The following PCDH15 variants were observed in gnomAD, a reference collection of about 807,000 sequenced individuals.
PCDH15 encodes the protein protocadherin-15.
Under a neutral mutation model 178.5 loss-of-function variants are expected in PCDH15, and 129 were observed. The observed-to-expected ratio is 0.72, with a 90% CI of 0.63 to 0.84. The LOEUF (loss-of-function observed/expected upper bound fraction) is 0.84. Among genes scored for constraint, PCDH15 ranks in the 40% least tolerant of loss-of-function variants. The pLI, the probability that PCDH15 is intolerant of heterozygous loss-of-function variation, is 0.00. For synonymous variants in PCDH15, 800 were observed against 732.0 expected, an observed-to-expected ratio of 1.09 and a Z score of -1.50; for missense variants, 2,230 against 2,099.9, an observed-to-expected ratio of 1.06 and a Z score of -1.21.
chr10:55,612,243 T>A (rs1318110855), intron 2 of PCDH15, among the ~76,000 whole-genome samples: 1 of 152,088 alleles, frequency 6.6e-6, no homozygotes, highest in Admixed American at 6.6e-5. Context: ...CTGATGTAAA[T>A]GTTCCACAAT....
intron 10 of PCDH15, among the ~76,000 whole-genome samples, chr10:54,202,885 G>A (rs2050397069): frequency 6.6e-6 from 1 of 151,826 alleles, no homozygotes; most frequent in Non-Finnish European, 1.5e-5. Context: ...TGATGTTAGA[G>A]GCAAGGAATC....
At chr10:54,415,715 A>C (rs1341556547) in intron 3 of PCDH15, among the ~76,000 whole-genome samples, 3 of 152,114 alleles carry the variant, frequency 2.0e-5, no homozygotes, top group African/African-American at 7.2e-5. Flanking sequence ...ATATAAAGGT[A>C]AATTTAGTGT....
intron 2 of PCDH15, among the ~76,000 whole-genome samples, chr10:55,451,507 T>A (rs1031007710): frequency 2.7e-5 from 4 of 146,214 alleles, no homozygotes; most frequent in South Asian, 2.2e-4. Flanking sequence ...CAAAAAAAAA[T>A]AAAAAAATAA....
At chr10:54,439,310 TTGC>T in intron 3 of PCDH15, among the ~76,000 whole-genome samples, 1 of 152,050 alleles carries the variant, frequency 6.6e-6, no homozygotes, top group East Asian at 1.9e-4. Flanking sequence ...AAATTTGATA[TTGC>T]TGCTAATAAA....
chr10:55,524,325 G>C lies in PCDH15; in HGVS notation c.-156+103300C>G, dbSNP rs973982981. 6.6e-5 allele frequency among the ~76,000 whole-genome samples: 10 copies of C among 151,662 alleles called. No homozygotes were observed. In the East Asian group the frequency reaches 1.7e-3, roughly 26 times the overall value. On this transcript the variant is annotated intron_variant, in intron 2 of 5. Transcript: ENST00000613346. ...AGGGATGGTTATATTTAAGTAAATA[G>C]CTCCTTCCTCTGTAATTCCATAGTG...
At chr10:53,937,552 C>G (rs1298617086) in intron 25 of PCDH15, among the ~76,000 whole-genome samples, 1 of 152,128 alleles carries the variant, frequency 6.6e-6, no homozygotes, top group East Asian at 1.9e-4. Flanking sequence ...GTGAGTGATG[C>G]ATAATTATTG....
rs1342708516 is a variant in PCDH15 at position 54,792,639 on chromosome 10, T to C, written c.-29+8286A>G. On this transcript the variant is annotated intron_variant, in intron 1 of 37. Coordinates refer to ENST00000644397, the MANE Select transcript of PCDH15 (RefSeq NM_001384140.1). ...GGACGTGAGTCCTTTACCATCAGACTTGAACTCAGACTGGATCAATACCAT... is the reference window on the plus strand; with the variant it reads ...GGACGTGAGTCCTTTACCATCAGACCTGAACTCAGACTGGATCAATACCAT... Among the ~76,000 whole-genome samples, 12 of 151,836 alleles carry C rather than the reference T, an allele frequency of 7.9e-5. 1 individual carries two copies. Among genetic ancestry groups the C allele is most frequent in the Admixed American group, 7.9e-4 (12 of 15,226 alleles).
chr10:53,806,497 ATTG>A lies in PCDH15; in HGVS notation c.*79_*81del. On this transcript the variant is annotated 3_prime_UTR_variant, in exon 38 of 38. Coordinates refer to ENST00000644397, the MANE Select transcript of PCDH15 (RefSeq NM_001384140.1). ...TGTGTGCATGATATAAATTCCATAC[ATTG>A]TTTTCTCAGTGACAATAAAAAGCAC... is the stretch of plus-strand genomic sequence containing the variant. 1 of 1,197,298 alleles carries A rather than the reference ATTG, an allele frequency of 8.4e-7. No individual in the cohort carries two copies. Among genetic ancestry groups the A allele is most frequent in the Non-Finnish European group, 1.2e-6 (1 of 865,476 alleles). The allele number at this position is 1,197,298 out of a possible 1,614,324, so 74.2% of individuals were successfully genotyped here. A position where few individuals can be genotyped will look rare whatever the true frequency, so the allele number is the denominator to read the frequency against.
At chr10:54,136,102 T>C (rs2042877754) in intron 14 of PCDH15, among the ~76,000 whole-genome samples, 1 of 152,182 alleles carries the variant, frequency 6.6e-6, no homozygotes, top group Non-Finnish European at 1.5e-5. Flanking sequence ...TTGGCTAAAT[T>C]CCTACAAAGG....
intron 11 of PCDH15, among the ~76,000 whole-genome samples, chr10:54,185,762 G>A (rs1454724108): frequency 1.3e-5 from 2 of 151,754 alleles, no homozygotes; most frequent in Non-Finnish European, 2.9e-5. Flanking sequence ...AATAAAATTG[G>A]TTATGTATTA....
At chr10:54,196,722 G>C (rs551934479) in intron 10 of PCDH15, among the ~76,000 whole-genome samples, 1 of 152,246 alleles carries the variant, frequency 6.6e-6, no homozygotes, top group African/African-American at 2.4e-5. Flanking sequence ...TAAGAGGTGT[G>C]GCATTTGGAA....
chr10:55,094,284 C>T (rs922125427), intron 2 of PCDH15, among the ~76,000 whole-genome samples: 3 of 151,788 alleles, frequency 2.0e-5, no homozygotes, highest in African/African-American at 4.8e-5. Flanking sequence ...AGCAAACTAT[C>T]GCAAGGACAG....
chr10:54,756,304 A>G (rs1947102366), intron 1 of PCDH15, among the ~76,000 whole-genome samples: 1 of 152,084 alleles, frequency 6.6e-6, no homozygotes, highest in African/African-American at 2.4e-5. Flanking sequence ...CCATGAGTGC[A>G]AAAAGAAAAG....
Position 55,200,364 on chromosome 10 carries a change from A to C in PCDH15, c.-155-33713T>G, listed in dbSNP as rs538274709. Among the ~76,000 whole-genome samples, 8 of 152,182 alleles carry C rather than the reference A, an allele frequency of 5.3e-5. No homozygotes were observed. In the South Asian group the frequency reaches 1.7e-3, roughly 32 times the overall value. On this transcript the variant is annotated intron_variant, in intron 1 of 5. Transcript: ENST00000458638. ...CTTGCAAGGGGCCTGTAGCCTCTTT[A>C]TTTGGGCCAATTTCTCCTGTCTGGA...
chr10:54,011,185 G>A (rs2092572539), intron 20 of PCDH15, among the ~76,000 whole-genome samples: 1 of 152,084 alleles, frequency 6.6e-6, no homozygotes, highest in African/African-American at 2.4e-5. Flanking sequence ...AGGGACAACC[G>A]AAAGCCCCTC....
At chr10:55,092,163 G>A (rs991595334) in intron 2 of PCDH15, among the ~76,000 whole-genome samples, 1 of 151,716 alleles carries the variant, frequency 6.6e-6, no homozygotes, top group African/African-American at 2.4e-5. Flanking sequence ...TTTTCCTTGT[G>A]CTAATATTAA....
At chr10:54,700,777 T>C (rs2095298949) in intron 1 of PCDH15, among the ~76,000 whole-genome samples, 1 of 152,032 alleles carries the variant, frequency 6.6e-6, no homozygotes, top group African/African-American at 2.4e-5. Flanking sequence ...AGAAAGCAAG[T>C]TGGAAACCAT....
At chr10:54,766,077 T>C (rs1591522026) in intron 1 of PCDH15, among the ~76,000 whole-genome samples, 1 of 152,262 alleles carries the variant, frequency 6.6e-6, no homozygotes, top group East Asian at 1.9e-4. Flanking sequence ...ATTGTATATC[T>C]TCTAGTTGAG....
chr10:55,296,177 A>G (rs1843126885), intron 1 of PCDH15, among the ~76,000 whole-genome samples: 1 of 152,152 alleles, frequency 6.6e-6, no homozygotes, highest in Non-Finnish European at 1.5e-5. Flanking sequence ...CTACCCTCCC[A>G]ACACCTCCAT....
Sources: gnomAD v4.1 joint callset for allele counts (sites outside exome capture counted in the v4.1 genomes callset) on GRCh38, gnomAD v4.1.1 for gene constraint, MANE v1.5 for transcripts, NCBI Gene and HGNC (gene_info 2026-07-23, HGNC 2026-07-21) for gene names.